Variants in GSDME observed in about 807,000 individuals in gnomAD.
GSDME encodes the protein gasdermin E.
A neutral mutation model predicts 47.5 loss-of-function variants in GSDME; 44 were observed. The ratio of observed to expected loss-of-function variants is 0.93; its 90% CI spans 0.73 to 1.19. The LOEUF (loss-of-function observed/expected upper bound fraction) is 1.19, where lower values mean the gene tolerates loss of function less well. Ranked by LOEUF, GSDME falls within the 50% of genes most tolerant of loss-of-function variation. The pLI is 0.00. For synonymous variants in GSDME, 258 were observed against 252.8 expected, an observed-to-expected ratio of 1.02 and a Z score of -0.20; for missense variants, 663 against 604.2, an observed-to-expected ratio of 1.10 and a Z score of -1.02.
rs1341742453 is a variant in GSDME at position 24,728,636 on chromosome 7, C to A, written c.405-9418G>T. On this transcript the variant is annotated intron_variant, in intron 3 of 9. Coordinates refer to ENST00000645220, the MANE Select transcript of GSDME (RefSeq NM_001127453.2). This position sits in a 1 kb window ranked among gnomAD's most constrained non-coding sequence, Gnocchi z 7.2. ...GATTGTTAAAGAACTGGCAGTCTTT[C>A]TGCTCCATCCCATGAGAGCTTCCCA... 3.3e-5 allele frequency among the ~76,000 whole-genome samples: 5 copies of A among 152,206 alleles called. No individual in the cohort carries two copies. Among genetic ancestry groups the A allele is most frequent in the African/African-American group, 1.2e-4 (5 of 41,448 alleles).
At chr7:24,700,755 T>G (rs1325837083) in intron 9 of GSDME, among the ~76,000 whole-genome samples, 3 of 152,208 alleles carry the variant, frequency 2.0e-5, no homozygotes, top group African/African-American at 7.2e-5. Flanking sequence ...AGAGAGTAGA[T>G]TAGACCTGCT....
chr7:24,745,094 T>C lies in GSDME; in HGVS notation c.212-340A>G, dbSNP rs182731151. Among the ~76,000 whole-genome samples the C allele has an allele frequency of 4.6e-4, 70 of 151,968 alleles. No individual in the cohort carries two copies. Among genetic ancestry groups the C allele is most frequent in the African/African-American group, 1.6e-3 (68 of 41,486 alleles). ...CTCCACTAGAAGCTTTTCTCTTTCA[T>C]TGGTTTTCAATCCCAATACGTATAG... is the stretch of plus-strand genomic sequence containing the variant. On this transcript the variant is annotated intron_variant, in intron 2 of 9. Coordinates refer to ENST00000645220, the MANE Select transcript of GSDME (RefSeq NM_001127453.2). This position sits in a 1 kb window ranked among gnomAD's most constrained non-coding sequence, Gnocchi z 4.4.
In GSDME at chr7:24,739,591, A is replaced by C. The variant is rs1790421484; in HGVS notation, c.404+4971T>G. On this transcript the variant is annotated intron_variant, in intron 3 of 9. Coordinates refer to ENST00000645220, the MANE Select transcript of GSDME (RefSeq NM_001127453.2). This position sits in a 1 kb window ranked among gnomAD's most constrained non-coding sequence, Gnocchi z 5.1. The stretch of plus-strand genomic sequence containing the variant: ...TTGGAGATTCCTCAAAAAACTAAAA[A>C]TAGAGCTACCATACTATCCAGCATT... Among the ~76,000 whole-genome samples, 1 of 152,240 alleles carries C rather than the reference A, an allele frequency of 6.6e-6. No individual in the cohort carries two copies. The highest frequency in any genetic ancestry group is 6.5e-5 in the Admixed American group (1 of 15,284).
At chr7:24,737,693 CAA>C (rs34810482) in intron 3 of GSDME, among the ~76,000 whole-genome samples, 9 of 146,658 alleles carry the variant, frequency 6.1e-5, no homozygotes, top group African/African-American at 1.2e-4. Context: ...AAAGACACAT[CAA>C]AAAAAAAAAG....
In GSDME at chr7:24,699,028, A is replaced by G. The variant is rs760608631; in HGVS notation, c.1489T>C (p.Ter497ArgextTer4). 3.7e-6 allele frequency: 6 copies of G among 1,607,130 alleles called. No homozygotes were observed. In the Admixed American group the frequency reaches 8.3e-5, roughly 22 times the overall value. Residue 497 changes from the stop codon to arginine (R), a stop_lost, in exon 10 of 10, where the codon TGA becomes CGA. Transcript: ENST00000645220. ...GLCALGREHS[*>R] is the part of the protein sequence containing the mutation. ...GTACTTCTAGTTCACATATGACATC[A>G]TGAATGTTCTCTGCCTAAAGCACAG...
In GSDME at chr7:24,734,165, C is replaced by T. The variant is rs540168852; in HGVS notation, c.404+10397G>A. 3.3e-5 allele frequency among the ~76,000 whole-genome samples: 5 copies of T among 152,346 alleles called. 1 individual carries two copies. In the South Asian group the frequency reaches 1.0e-3, roughly 32 times the overall value. On this transcript the variant is annotated intron_variant, in intron 3 of 9. Coordinates refer to ENST00000645220, the MANE Select transcript of GSDME (RefSeq NM_001127453.2). ...CCAGAGAATTCTTCCAGATCTTATA[C>T]AAGACCACCAAGGTGGTACCTCTAC...
rs1158958707 is a variant in GSDME, at chr7:24,745,421, A to G, written c.212-667T>C. Among the ~76,000 whole-genome samples the G allele has an allele frequency of 6.6e-6, 1 of 152,152 alleles. No individual in the cohort carries two copies. Among genetic ancestry groups the G allele is most frequent in the Non-Finnish European group, 1.5e-5 (1 of 68,020 alleles). On this transcript the variant is annotated intron_variant, in intron 2 of 9. Coordinates refer to ENST00000645220, the MANE Select transcript of GSDME (RefSeq NM_001127453.2). This position sits in a 1 kb window ranked among gnomAD's most constrained non-coding sequence, Gnocchi z 4.4. ...GTCAAATTATTCCCTTCCCATATTT[A>G]TGATTCTCTCTCTGACCTCTACCCA... is the stretch of plus-strand genomic sequence containing the variant.
chr7:24,776,410 T>C, the GSDME span, among the ~76,000 whole-genome samples: 12 of 152,108 alleles, frequency 7.9e-5, no homozygotes, highest in Non-Finnish European at 1.5e-4. Flanking sequence ...ATCAAACCTA[T>C]ACCAAAAAGA....
the GSDME span, among the ~76,000 whole-genome samples, chr7:24,766,164 T>C: frequency 6.6e-6 from 1 of 150,394 alleles, no homozygotes; most frequent in South Asian, 2.1e-4. The surrounding 1 kb of genome is among the most constrained non-coding windows in gnomAD (Gnocchi z 4.2). Flanking sequence ...TCTATGGCCA[T>C]GATATTAAAT....
At position 24,699,076 on chromosome 7, in the gene GSDME, G is replaced by T. The variant is rs1788752548; in HGVS notation, c.1441C>A (p.Leu481Ile). The change falls in exon 10 of 10, where the codon CTT becomes ATT. Residue 481 changes from leucine to isoleucine, a missense_variant. Coordinates refer to ENST00000645220, the MANE Select transcript of GSDME (RefSeq NM_001127453.2). Reference protein sequence around the residue: ...LKDSKVFPLLLCITLNGLCAL... With the variant: ...LKDSKVFPLLICITLNGLCAL... ...CAGAGTCCATTCAGGGTTATACAAA[G>T]AAGCAGTGGGAAGACTTTAGAGTCC... 4 of 1,614,108 alleles carry T rather than the reference G, an allele frequency of 2.5e-6. No individual in the cohort carries two copies. The highest frequency in any genetic ancestry group is 3.4e-6 in the Non-Finnish European group (4 of 1,179,970).
Position 24,724,219 on chromosome 7 carries a change from T to C in GSDME, c.405-5001A>G, listed in dbSNP as rs944970857. ...TTAAAAAAAGGCCTTCTGGACAGAC[T>C]GTAAGCTCCTGGAGGACAAAGTACT... On this transcript the variant is annotated intron_variant, in intron 3 of 9. Transcript: ENST00000645220. The surrounding 1 kb of genome is among the most constrained non-coding windows in gnomAD (Gnocchi z 4.8). Among the ~76,000 whole-genome samples, 1 of 151,346 alleles carries C rather than the reference T, an allele frequency of 6.6e-6. No homozygotes were observed. Among genetic ancestry groups the C allele is most frequent in the Non-Finnish European group, 1.5e-5 (1 of 67,900 alleles).
At chr7:24,768,627 T>G in the GSDME span, among the ~76,000 whole-genome samples, 1 of 152,218 alleles carries the variant, frequency 6.6e-6, no homozygotes, top group Non-Finnish European at 1.5e-5. This position sits in a 1 kb window ranked among gnomAD's most constrained non-coding sequence, Gnocchi z 5.6. Context: ...TAAGTGGAAC[T>G]AGAGACTGAG....
Position 24,724,295 on chromosome 7 carries a change from A to G in GSDME, c.405-5077T>C, listed in dbSNP as rs992049837. The stretch of plus-strand genomic sequence containing the variant: ...TGTGCTATCCACCCAGCTGGGGGAT[A>G]AAATGAATGGTTTATCACATAAACC... On this transcript the variant is annotated intron_variant, in intron 3 of 9. Transcript: ENST00000645220. This position sits in a 1 kb window ranked among gnomAD's most constrained non-coding sequence, Gnocchi z 4.8. Among the ~76,000 whole-genome samples, 8 of 152,290 alleles carry G rather than the reference A, an allele frequency of 5.3e-5. No individual in the cohort carries two copies. The highest frequency in any genetic ancestry group is 3.3e-4 in the Admixed American group (5 of 15,290).
rs1790582509 is a variant in GSDME at position 24,744,413 on chromosome 7, C to T, written c.404+149G>A. ...AAGCAATTCCAGACTAAAGAATGTG[C>T]TCCTCATGAAATTTCAACACAAGCG... On this transcript the variant is annotated intron_variant, in intron 3 of 9. Coordinates refer to ENST00000645220, the MANE Select transcript of GSDME (RefSeq NM_001127453.2). This position sits in a 1 kb window ranked among gnomAD's most constrained non-coding sequence, Gnocchi z 4.5. The T allele has an allele frequency of 5.7e-6, 5 of 884,212 alleles. No homozygotes were observed. The South Asian group carries it at 5.7e-5, about 10-fold the overall frequency. The allele number at this position is 884,212 out of a possible 1,614,324, so 54.8% of individuals were successfully genotyped here.
Position 24,736,123 on chromosome 7 carries a change from G to A in GSDME, c.404+8439C>T, listed in dbSNP as rs1790298455. On this transcript the variant is annotated intron_variant, in intron 3 of 9. Transcript: ENST00000645220. The surrounding 1 kb of genome is among the most constrained non-coding windows in gnomAD (Gnocchi z 4.6). Reference sequence around the variant, plus strand: ...AAGACAGGAAGAAAAGAAAGAAGGAGGAGAAGACCACAAAACAAATAATAA... The same window carrying A: ...AAGACAGGAAGAAAAGAAAGAAGGAAGAGAAGACCACAAAACAAATAATAA... Among the ~76,000 whole-genome samples the A allele has an allele frequency of 6.6e-6, 1 of 151,918 alleles. No homozygotes were observed. Among genetic ancestry groups the A allele is most frequent in the Admixed American group, 6.6e-5 (1 of 15,242 alleles).
At chr7:24,751,661 G>C (rs1246771372) in intron 1 of GSDME, among the ~76,000 whole-genome samples, 1 of 152,204 alleles carries the variant, frequency 6.6e-6, no homozygotes, top group African/African-American at 2.4e-5. Context: ...CTGCAAAGCA[G>C]CATGACTAAG....
At chr7:24,772,984 G>A in the GSDME span, among the ~76,000 whole-genome samples, 1 of 152,174 alleles carries the variant, frequency 6.6e-6, no homozygotes, top group Non-Finnish European at 1.5e-5. This position sits in a 1 kb window ranked among gnomAD's most constrained non-coding sequence, Gnocchi z 4.5. Context: ...GGGTTGGGGT[G>A]AGGTAGATGT....
chr7:24,770,326 C>A, the GSDME span, among the ~76,000 whole-genome samples: 10 of 152,194 alleles, frequency 6.6e-5, no homozygotes, highest in Non-Finnish European at 1.5e-5. The surrounding 1 kb of genome is among the most constrained non-coding windows in gnomAD (Gnocchi z 4.6). Flanking sequence ...CCATATCTTG[C>A]CCTATGCATC....
In GSDME at chr7:24,714,875, G is replaced by A. The variant is rs1484340240; in HGVS notation, c.697+2379C>T. ...CCGAAGGGTCCGCAGAGCACTCCTG[G>A]GCATCCTCAGGTGCATGCCAAGATT... On this transcript the variant is annotated intron_variant, in intron 5 of 9. Transcript: ENST00000645220. This position sits in a 1 kb window ranked among gnomAD's most constrained non-coding sequence, Gnocchi z 5.0. 6.6e-6 allele frequency among the ~76,000 whole-genome samples: 1 copy of A among 152,132 alleles called. No individual in the cohort carries two copies. Among genetic ancestry groups the A allele is most frequent in the Non-Finnish European group, 1.5e-5 (1 of 68,026 alleles).
Sources: allele counts gnomAD v4.1 joint callset (sites outside exome capture counted in the v4.1 genomes callset), GRCh38; gene constraint gnomAD v4.1.1; non-coding constraint Gnocchi (gnomAD v3.1); transcripts MANE v1.5; gene names NCBI Gene and HGNC (gene_info 2026-07-23, HGNC 2026-07-21).